SGSM2: variants seen among roughly 807,000 people sequenced by gnomAD.
SGSM2 encodes small G protein signaling modulator 2.
Under a neutral mutation model 126.6 loss-of-function variants are expected in SGSM2, and 89 were observed. The observed-to-expected ratio is 0.70, with a 90% CI of 0.59 to 0.84. The LOEUF (loss-of-function observed/expected upper bound fraction) is 0.84. SGSM2 is among the 40% of genes least tolerant of loss of function. The pLI is 0.00. For synonymous variants in SGSM2, 614 were observed against 574.3 expected (o/e 1.07, Z -0.99); for missense variants, 1,404 against 1,416.6 (o/e 0.99, Z 0.14).
chr17:2,363,141 G>T lies in SGSM2; in HGVS notation c.672+7G>T, dbSNP rs1567824239. The T allele has an allele frequency of 1.3e-6, 2 of 1,591,210 alleles. No individual in the cohort carries two copies. Among genetic ancestry groups the T allele is most frequent in the African/African-American group, 1.3e-5 (1 of 74,462 alleles). ...AAAGCGCCCAGCCCTGGGGGTAGGT[G>T]CCCCCTCCCCACCCTTTGGGCTCAT... is the stretch of plus-strand genomic sequence containing the variant. On this transcript the variant is annotated splice_region_variant and intron_variant, in intron 6 of 23. Coordinates refer to ENST00000268989, the MANE Select transcript of SGSM2 (RefSeq NM_014853.3). This position sits in a 1 kb window ranked among gnomAD's most constrained non-coding sequence, Gnocchi z 4.2.
At chr17:2,377,827 A>T (rs1034380204) in intron 21 of SGSM2, 30 bp from the exon 22 acceptor site, 6 of 1,460,968 alleles carry the variant, frequency 4.1e-6, no homozygotes, top group Non-Finnish European at 5.8e-6. Context: ...CTCAGGGCTC[A>T]GCCTCTCTCC....
intron 1 of SGSM2, among the ~76,000 whole-genome samples, chr17:2,340,873 C>A (rs1372388991): frequency 6.6e-6 from 1 of 152,194 alleles, no homozygotes; most frequent in Non-Finnish European, 1.5e-5. Flanking sequence ...CGTGAGCCAC[C>A]ACGCCTGGCC....
At chr17:2,351,824 T>C (rs998418014) in intron 2 of SGSM2, among the ~76,000 whole-genome samples, 25 of 152,198 alleles carry the variant, frequency 1.6e-4, no homozygotes, top group Non-Finnish European at 2.8e-4. Flanking sequence ...GACAGTTCTT[T>C]ATCCTCCCAA....
In SGSM2 at chr17:2,362,902, C is replaced by G. The variant is rs1049226117; in HGVS notation, c.523C>G (p.Leu175Val). ...GTTCGGCCCGATCCTGGCCTCTCTT[C>G]TAGGTGAGCCTGAGAGCACAGGCAC... Reference protein sequence around the residue: ...PVFGPILASLLVGPCALEYTK... With the variant: ...PVFGPILASLVVGPCALEYTK... Residue 175 changes from leucine (L) to valine (V), a missense_variant, in exon 5 of 24, where the codon CTA becomes GTA. Coordinates refer to ENST00000268989, the MANE Select transcript of SGSM2 (RefSeq NM_014853.3). The surrounding 1 kb of genome is among the most constrained non-coding windows in gnomAD (Gnocchi z 4.9). 1.9e-6 allele frequency: 3 copies of G among 1,614,054 alleles called. No individual in the cohort carries two copies. The highest frequency in any genetic ancestry group is 1.3e-5 in the African/African-American group (1 of 74,936).
intron 2 of SGSM2, 127 bp from the exon 3 acceptor site, chr17:2,361,510 G>T: frequency 8.5e-7 from 1 of 1,175,574 alleles, no homozygotes; most frequent in Middle Eastern, 2.8e-4. Flanking sequence ...GGAAGCCAGG[G>T]TATCTCCCTG....
chr17:2,367,231 G>C lies in SGSM2; in HGVS notation c.1289-40G>C, dbSNP rs1403037293. On this transcript the variant is annotated intron_variant, in intron 11 of 23. Transcript: ENST00000268989. This position sits in a 1 kb window ranked among gnomAD's most constrained non-coding sequence, Gnocchi z 4.0. Reference sequence around the variant, plus strand: ...GGGAGTCCGTCCTGCCCAGGGATGAGGGCCTCATGCCTCTGCCTCTCGCTG... The same window carrying C: ...GGGAGTCCGTCCTGCCCAGGGATGACGGCCTCATGCCTCTGCCTCTCGCTG... 2.5e-6 allele frequency: 4 copies of C among 1,591,836 alleles called. No homozygotes were observed. The South Asian group carries it at 3.4e-5, about 14-fold the overall frequency.
rs1238092990 is a variant in SGSM2, at chr17:2,371,247, C to T, written c.1424-15C>T. 3 of 1,607,560 alleles carry T rather than the reference C, an allele frequency of 1.9e-6. No homozygotes were observed. Among genetic ancestry groups the T allele is most frequent in the Non-Finnish European group, 2.5e-6 (3 of 1,178,900 alleles). ...GTGTCTCAGGCCCTGACCATGCCAC[C>T]CTTCCTGCCCGCAGACGCTGGTGAC... On this transcript the variant is annotated splice_polypyrimidine_tract_variant and intron_variant, in intron 12 of 23. Transcript: ENST00000268989.
chr17:2,348,986 A>C (rs1597320812), intron 2 of SGSM2, among the ~76,000 whole-genome samples: 1 of 150,690 alleles, frequency 6.6e-6, no homozygotes, highest in Non-Finnish European at 1.5e-5. Flanking sequence ...CTGGTCTCAA[A>C]CTCCTGACCT....
rs200006896 is a variant in SGSM2, at chr17:2,373,419, C to T, written c.2006C>T (p.Ala669Val). The T allele has an allele frequency of 3.3e-5, 53 of 1,611,680 alleles. No individual in the cohort carries two copies. Among genetic ancestry groups the T allele is most frequent in the Admixed American group, 2.8e-4 (17 of 59,996 alleles). The change falls in exon 17 of 24, where the codon GCC becomes GTC. Residue 669 changes from alanine to valine, a missense_variant. Coordinates refer to ENST00000268989, the MANE Select transcript of SGSM2 (RefSeq NM_014853.3). ...EVVVRQRERE[A>V]HPATRTKFSS... The stretch of plus-strand genomic sequence containing the variant: ...GTGGTGAGGCAGCGGGAGCGGGAGG[C>T]CCACCCAGCCACACGCACCAAGTTC...
chr17:2,349,859 C>T (rs1054840986), intron 2 of SGSM2, among the ~76,000 whole-genome samples: 1 of 150,876 alleles, frequency 6.6e-6, no homozygotes, highest in African/African-American at 2.4e-5. Context: ...GCGGTCTTGG[C>T]TCACTGCAAG....
intron 2 of SGSM2, among the ~76,000 whole-genome samples, chr17:2,351,863 T>C (rs1299540563): frequency 1.3e-5 from 2 of 152,204 alleles, no homozygotes; most frequent in Non-Finnish European, 2.9e-5. Flanking sequence ...TGTTGCTTTC[T>C]TGTTTTGGGG....
rs571990753 is a variant in SGSM2, at chr17:2,380,244, C to T, written c.*724C>T. 11 of 1,536,054 alleles carry T rather than the reference C, an allele frequency of 7.2e-6. No individual in the cohort carries two copies. In the East Asian group the frequency reaches 1.7e-4, roughly 24 times the overall value. Reference sequence around the variant, plus strand: ...CTGTACAGCCTCGCTCCTGCCACCCCACCCTTGCGTTCTGCATTAGGTACT... The same window carrying T: ...CTGTACAGCCTCGCTCCTGCCACCCTACCCTTGCGTTCTGCATTAGGTACT... On this transcript the variant is annotated 3_prime_UTR_variant, in exon 24 of 24. Coordinates refer to ENST00000268989, the MANE Select transcript of SGSM2 (RefSeq NM_014853.3).
Position 2,379,025 on chromosome 17 carries a change from A to T in SGSM2, c.2900-11A>T. On this transcript the variant is annotated splice_polypyrimidine_tract_variant and intron_variant, in intron 22 of 23. Coordinates refer to ENST00000268989, the MANE Select transcript of SGSM2 (RefSeq NM_014853.3). ...TAGGACGGGTGAGCAGCAGCCGCTT[A>T]CTCTCCGCAGAACTGCTGTATGAGG... 6.2e-7 allele frequency: 1 copy of T among 1,611,260 alleles called. No homozygotes were observed. Among genetic ancestry groups the T allele is most frequent in the Non-Finnish European group, 8.5e-7 (1 of 1,178,028 alleles).
chr17:2,367,314 G>T lies in SGSM2; in HGVS notation c.1332G>T (p.Ser444=). The change falls in exon 12 of 24, where the codon TCG becomes TCT. Residue 444 remains serine (S), a synonymous_variant. Transcript: ENST00000268989. The surrounding 1 kb of genome is among the most constrained non-coding windows in gnomAD (Gnocchi z 4.0). ...YHHLAASRAA[S]VDDDEEEEDK... is the part of the protein sequence containing the mutation. ...ACCTAGCGGCCAGCCGCGCGGCCTC[G>T]GTGGACGATGATGAGGAAGAGGAGG... The T allele has an allele frequency of 1.2e-6, 2 of 1,614,076 alleles. No individual in the cohort carries two copies. Among genetic ancestry groups the T allele is most frequent in the Non-Finnish European group, 8.5e-7 (1 of 1,179,998 alleles).
intron 21 of SGSM2, 165 bp from the exon 22 acceptor site, chr17:2,377,692 G>C (rs1384320403): frequency 1.9e-6 from 1 of 521,166 alleles, no homozygotes; most frequent in African/African-American, 1.9e-5. Context: ...CCTCCACAAG[G>C]AGATCCGAGG....
At position 2,367,035 on chromosome 17, in the gene SGSM2, C is replaced by A; in HGVS notation, c.1289-236C>A. ...CTCTGTTCTCTCTCTTCTGTTCTTC[C>A]TAGAGAGGCTGCCTCCGAAGAGTGA... On this transcript the variant is annotated intron_variant, in intron 11 of 23. Transcript: ENST00000268989. This position sits in a 1 kb window ranked among gnomAD's most constrained non-coding sequence, Gnocchi z 4.0. The A allele has an allele frequency of 1.9e-6, 1 of 521,008 alleles. No individual in the cohort carries two copies. 32.3% of individuals were successfully genotyped at this position (521,008 alleles called of 1,614,324 possible).
Position 2,373,434 on chromosome 17 carries a change from G to C in SGSM2, c.2021G>C (p.Arg674Pro), listed in dbSNP as rs781457257. 1 of 1,611,166 alleles carries C rather than the reference G, an allele frequency of 6.2e-7. No homozygotes were observed. Among genetic ancestry groups the C allele is most frequent in the East Asian group, 2.2e-5 (1 of 44,834 alleles). Residue 674 changes from arginine (R) to proline (P), a missense_variant, in exon 17 of 24, where the codon CGC becomes CCC. By Grantham distance (103) the Arg-to-Pro change is moderately radical (BLOSUM62 -2). Transcript: ENST00000268989. ...QREREAHPAT[R>P]TKFSSGSSID... ...GAGCGGGAGGCCCACCCAGCCACAC[G>C]CACCAAGTTCTCCTCAGGCAGCAGC...
chr17:2,362,897 C>T lies in SGSM2; in HGVS notation c.518C>T (p.Ser173Phe). ...ADPVFGPILA[S>F]LLVGPCALEY... ...CCTGTGTTCGGCCCGATCCTGGCCT[C>T]TCTTCTAGGTGAGCCTGAGAGCACA... The change falls in exon 5 of 24, where the codon TCT becomes TTT. Residue 173 changes from serine to phenylalanine, a missense_variant. By Grantham distance (155) the Ser-to-Phe change is radical. Transcript: ENST00000268989. This position sits in a 1 kb window ranked among gnomAD's most constrained non-coding sequence, Gnocchi z 4.9. 1 of 1,614,206 alleles carries T rather than the reference C, an allele frequency of 6.2e-7. No homozygotes were observed. The highest frequency in any genetic ancestry group is 8.5e-7 in the Non-Finnish European group (1 of 1,180,046).
Position 2,376,169 on chromosome 17 carries a change from G to T in SGSM2, c.2517G>T (p.Leu839=). ...IELLDTVALN[L]HRIDKDVQRC... is the part of the protein sequence containing the mutation. ...TACTGGACACTGTGGCCTTAAACCT[G>T]CACCGCATAGACAAGGATGTGCAGA... is the stretch of plus-strand genomic sequence containing the variant. The change falls in exon 19 of 24, where the codon CTG becomes CTT. Residue 839 remains leucine, a synonymous_variant. Transcript: ENST00000268989. 1 of 1,614,112 alleles carries T rather than the reference G, an allele frequency of 6.2e-7. No homozygotes were observed. The highest frequency in any genetic ancestry group is 8.5e-7 in the Non-Finnish European group (1 of 1,180,020).
Sources: allele counts gnomAD v4.1 joint callset (sites outside exome capture counted in the v4.1 genomes callset), GRCh38; gene constraint gnomAD v4.1.1; non-coding constraint Gnocchi (gnomAD v3.1); transcripts MANE v1.5; gene names NCBI Gene and HGNC (gene_info 2026-07-23, HGNC 2026-07-21).